TRAPPC12: variants seen among roughly 807,000 people sequenced by gnomAD.
The protein encoded by TRAPPC12 is TPR repeat protein 15.
TRAPPC12 carries 61 observed loss-of-function variants against 69.2 expected under a neutral mutation model. That is an observed-to-expected ratio of 0.88 (90% CI 0.72 to 1.09). TRAPPC12 has a LOEUF of 1.09. TRAPPC12 is among the 50% of genes least tolerant of loss of function. TRAPPC12 has a pLI of 0.00. For synonymous variants in TRAPPC12, 469 were observed against 438.9 expected (o/e 1.07, Z -0.86); for missense variants, 1,101 against 1,016.4 (o/e 1.08, Z -1.13).
intron 3 of TRAPPC12, among the ~76,000 whole-genome samples, chr2:3,403,153 T>C (rs1661543889): frequency 6.6e-6 from 1 of 152,192 alleles, no homozygotes. Flanking sequence ...CCTAATTTAC[T>C]TATTTTTCTA....
In TRAPPC12 at chr2:3,478,900, A is replaced by G. The variant is rs2103182366; in HGVS notation, c.1932A>G (p.Thr644=). The G allele has an allele frequency of 1.2e-6, 2 of 1,614,194 alleles. No homozygotes were observed. Among genetic ancestry groups the G allele is most frequent in the Middle Eastern group, 1.6e-4 (1 of 6,062 alleles). ...NNFAEAHRFF[T]EILRMDPRNA... is the part of the protein sequence containing the mutation. ...TTGCAGAAGCCCACAGGTTCTTCAC[A>G]GAGATCTTAAGGATGGATCCAAGAA... Residue 644 remains threonine, a synonymous_variant, in exon 11 of 12, where the codon ACA becomes ACG. Transcript: ENST00000324266.
At chr2:3,438,523 A>G (rs1407053893) in intron 5 of TRAPPC12, among the ~76,000 whole-genome samples, 1 of 20,018 alleles carries the variant, frequency 5.0e-5, no homozygotes, top group Non-Finnish European at 9.6e-5. Context: ...AATCCCCCCA[A>G]TCCCCCTGGG....
chr2:3,470,076 A>C (rs1403589124), intron 9 of TRAPPC12, among the ~76,000 whole-genome samples: 17 of 152,168 alleles, frequency 1.1e-4, no homozygotes, highest in Admixed American at 1.0e-3. Context: ...GTCGATGCTG[A>C]GTCTCGGGGA....
intron 6 of TRAPPC12, among the ~76,000 whole-genome samples, chr2:3,447,102 C>CTT (rs56069735): frequency 3.4e-5 from 5 of 148,142 alleles, no homozygotes; most frequent in Non-Finnish European, 6.0e-5. Context: ...CCTCAGGAAG[C>CTT]TTTTTTTTTT....
chr2:3,438,813 CTTAT>C (rs1030787727), intron 5 of TRAPPC12, among the ~76,000 whole-genome samples: 7 of 152,070 alleles, frequency 4.6e-5, no homozygotes, highest in African/African-American at 1.2e-4. Context: ...TATACCATAG[CTTAT>C]TTATCCATTT....
chr2:3,423,955 C>G (rs1212185919), intron 4 of TRAPPC12, among the ~76,000 whole-genome samples: 2 of 152,202 alleles, frequency 1.3e-5, no homozygotes, highest in African/African-American at 4.8e-5. Context: ...CCTGAACCAG[C>G]AGACCCTTCC....
intron 5 of TRAPPC12, among the ~76,000 whole-genome samples, chr2:3,429,402 T>C (rs535521354): frequency 3.5e-4 from 54 of 152,346 alleles, no homozygotes; most frequent in African/African-American, 1.3e-3. Context: ...GCCACTGTCT[T>C]ATCTCTGAAA....
At chr2:3,430,639 C>T (rs1292522596) in intron 5 of TRAPPC12, among the ~76,000 whole-genome samples, 3 of 152,208 alleles carry the variant, frequency 2.0e-5, no homozygotes, top group African/African-American at 7.2e-5. Context: ...CTATTTTCAA[C>T]CCTGAAAAAA....
chr2:3,388,380 G>T lies in TRAPPC12; in HGVS notation c.757G>T (p.Val253Leu), dbSNP rs1381006702. The T allele has an allele frequency of 6.2e-7, 1 of 1,600,852 alleles. No homozygotes were observed. Among genetic ancestry groups the T allele is most frequent in the Admixed American group, 1.7e-5 (1 of 59,046 alleles). Residue 253 changes from valine (V) to leucine (L), a missense_variant, in exon 2 of 12, where the codon GTG (valine) becomes TTG (leucine). Coordinates refer to ENST00000324266, the MANE Select transcript of TRAPPC12 (RefSeq NM_016030.6). ...PAPASPPPLA[V>L]PGTEGRPEPV... ...CCCCGCCAGCCCGCCTCCCCTCGCTGTGCCCGGGACCGAGGGGCGCCCCGA... is the reference window on the plus strand; with the variant it reads ...CCCCGCCAGCCCGCCTCCCCTCGCTTTGCCCGGGACCGAGGGGCGCCCCGA...
At chr2:3,421,238 A>AT (rs1662765702) in intron 3 of TRAPPC12, among the ~76,000 whole-genome samples, 1 of 152,266 alleles carries the variant, frequency 6.6e-6, no homozygotes, top group Non-Finnish European at 1.5e-5. Context: ...AAGGGCAAAG[A>AT]TAAACACAAG....
chr2:3,454,073 C>T (rs773517390), intron 6 of TRAPPC12, among the ~76,000 whole-genome samples: 1 of 152,342 alleles, frequency 6.6e-6, no homozygotes, highest in East Asian at 1.9e-4. Context: ...TGCCTATGTT[C>T]CTGTCAACAA....
Position 3,479,363 on chromosome 2 carries a change from G to C in TRAPPC12, c.2110G>C (p.Glu704Gln). Residue 704 changes from glutamate (E) to glutamine (Q), a missense_variant, in exon 12 of 12, where the codon GAG (glutamate) becomes CAG (glutamine). Glu to Gln is a conservative substitution (Grantham distance 29). Transcript: ENST00000324266. ...CAACCTGACCACCATGTACGAGCTG[G>C]AGTCCTCACGGAGCATGCAGAAGAA... ...LFNLTTMYEL[E>Q]SSRSMQKKQA... 1 of 1,614,204 alleles carries C rather than the reference G, an allele frequency of 6.2e-7. No homozygotes were observed. Among genetic ancestry groups the C allele is most frequent in the East Asian group, 2.2e-5 (1 of 44,888 alleles).
In TRAPPC12 at chr2:3,467,455, A is replaced by G. The variant is rs1400666371; in HGVS notation, c.1776+1760A>G. On this transcript the variant is annotated intron_variant, in intron 9 of 11. Coordinates refer to ENST00000324266, the MANE Select transcript of TRAPPC12 (RefSeq NM_016030.6). ...GAAATGGAGATTGCAATACCTAGCTATTTGGGATATCTCTGAAGACGTTGT... is the reference window on the plus strand; with the variant it reads ...GAAATGGAGATTGCAATACCTAGCTGTTTGGGATATCTCTGAAGACGTTGT... 3.9e-5 allele frequency: 6 copies of G among 152,198 alleles called. No individual in the cohort carries two copies. In the East Asian group the frequency reaches 1.2e-3, roughly 29 times the overall value. The allele number at this position is 152,198 out of a possible 1,614,324, so 9.4% of individuals were successfully genotyped here. A position where few individuals can be genotyped will look rare whatever the true frequency, so the allele number is the denominator to read the frequency against.
intron 5 of TRAPPC12, among the ~76,000 whole-genome samples, chr2:3,425,489 A>G (rs1663049967): frequency 6.6e-6 from 1 of 152,124 alleles, no homozygotes; most frequent in African/African-American, 2.4e-5. Context: ...TATTGGTAAA[A>G]CAGAGATGCC....
At chr2:3,461,553 C>T (rs1173486923) in intron 8 of TRAPPC12, among the ~76,000 whole-genome samples, 2 of 152,254 alleles carry the variant, frequency 1.3e-5, no homozygotes, top group Admixed American at 1.3e-4. Flanking sequence ...CCTCCCAGCT[C>T]TGACATTCAC....
intron 4 of TRAPPC12, among the ~76,000 whole-genome samples, chr2:3,422,644 G>A (rs1662875310): frequency 6.6e-6 from 1 of 152,134 alleles, no homozygotes. Flanking sequence ...GCTCTGGGGA[G>A]CCCTGACAGC....
chr2:3,444,643 T>C (rs1247798977), intron 6 of TRAPPC12, among the ~76,000 whole-genome samples: 3 of 152,266 alleles, frequency 2.0e-5, no homozygotes, highest in Admixed American at 1.3e-4. Flanking sequence ...CAGCATATTA[T>C]AATTTTTGGG....
intron 3 of TRAPPC12, among the ~76,000 whole-genome samples, chr2:3,402,265 T>C (rs1200531358): frequency 6.6e-6 from 1 of 152,190 alleles, no homozygotes; most frequent in East Asian, 1.9e-4. Context: ...TCTGAACATT[T>C]TTAAGCTTTG....
rs757365082 is a variant in TRAPPC12 at position 3,443,885 on chromosome 2, C to T, written c.1524C>T (p.Cys508=). ...GACTGCACAAGGTGAAGACTGTCTG[C>T]AGCAAGGTAGGTGGCGCTGTCATTC... ...LDRLHKVKTV[C]SKILANLEQG... The change falls in exon 6 of 12, where the codon TGC becomes TGT. Residue 508 remains cysteine, a synonymous_variant. Coordinates refer to ENST00000324266, the MANE Select transcript of TRAPPC12 (RefSeq NM_016030.6). 4 of 1,613,018 alleles carry T rather than the reference C, an allele frequency of 2.5e-6. No individual in the cohort carries two copies. The highest frequency in any genetic ancestry group is 3.4e-6 in the Non-Finnish European group (4 of 1,179,330).
Sources: gnomAD v4.1 joint callset for allele counts (sites outside exome capture counted in the v4.1 genomes callset) on GRCh38, gnomAD v4.1.1 for gene constraint, MANE v1.5 for transcripts, NCBI Gene and HGNC (gene_info 2026-07-23, HGNC 2026-07-21) for gene names.